SPINK1: variants seen among roughly 807,000 people sequenced by gnomAD.
SPINK1 encodes the protein serine protease inhibitor Kazal-type 1.
In SPINK1, 5 loss-of-function variants were observed where a neutral mutation model predicts 9.5. The observed-to-expected ratio is 0.52, with a 90% confidence interval of 0.27 to 1.10. The LOEUF (loss-of-function observed/expected upper bound fraction) is 1.10. SPINK1 is among the 50% of genes least tolerant of loss of function. The pLI is 0.11. For synonymous variants in SPINK1, 37 were observed against 32.3 expected (o/e 1.14, Z -0.49); for missense variants, 88 against 92.7 (o/e 0.95, Z 0.21).
upstream of SPINK1, among the ~76,000 whole-genome samples, chr5:147,833,078 G>C (rs150040560): frequency 6.6e-6 from 1 of 152,226 alleles, no homozygotes; most frequent in Non-Finnish European, 1.5e-5. Context: ...CTTTTCAGGT[G>C]ATATCACACA....
upstream of SPINK1, among the ~76,000 whole-genome samples, chr5:147,832,184 A>G (rs1233986943): frequency 1.3e-5 from 2 of 152,158 alleles, no homozygotes; most frequent in Non-Finnish European, 2.9e-5. Flanking sequence ...TAAAGCGTGT[A>G]TTCTGGAGCT....
chr5:147,831,503 GA>G lies in SPINK1; in HGVS notation c.55+19del. On this transcript the variant is annotated intron_variant, in intron 1 of 3. Transcript: ENST00000296695. The stretch of plus-strand genomic sequence containing the variant: ...GGTCAAAACAGTTTTATTTAAATTT[GA>G]AAAATATGCAACACTTACCAGATAG... 1.2e-6 allele frequency: 2 copies of G among 1,612,916 alleles called. No homozygotes were observed. The highest frequency in any genetic ancestry group is 1.7e-6 in the Non-Finnish European group (2 of 1,179,674).
chr5:147,835,463 C>G (rs1756580792), upstream of SPINK1, among the ~76,000 whole-genome samples: 1 of 152,068 alleles, frequency 6.6e-6, no homozygotes, highest in East Asian at 1.9e-4. Flanking sequence ...AATCCTGCCA[C>G]CGTGCTAGAC....
Position 147,829,599 on chromosome 5 carries a change from C to G in SPINK1, c.87G>C (p.Glu29Asp), listed in dbSNP as rs1292409970. The G allele has an allele frequency of 6.2e-7, 1 of 1,612,464 alleles. No individual in the cohort carries two copies. Among genetic ancestry groups the G allele is most frequent in the African/African-American group, 1.3e-5 (1 of 74,890 alleles). The change falls in exon 2 of 4, where the codon GAG becomes GAC. Residue 29 changes from glutamate to aspartate, a missense_variant and splice_region_variant. Glu to Asp is a conservative substitution (Grantham distance 45). Transcript: ENST00000296695. ...TAAGAAATTACAAATATCTCTTTAC[C>G]TCTCTTCCCAGGGAGTCAGCTCCAG... Reference protein sequence around the residue: ...GNTGADSLGREAKCYNELNGC... With the variant: ...GNTGADSLGRDAKCYNELNGC...
upstream of SPINK1, among the ~76,000 whole-genome samples, chr5:147,836,330 G>GTA (rs1756595321): frequency 6.9e-6 from 1 of 144,682 alleles, no homozygotes; most frequent in South Asian, 2.2e-4. Flanking sequence ...GTGTGTGTGT[G>GTA]TACAAACTTA....
At chr5:147,832,791 G>A (rs985123699), upstream of SPINK1, among the ~76,000 whole-genome samples, 3 of 152,112 alleles carry the variant, frequency 2.0e-5, no homozygotes, top group Non-Finnish European at 4.4e-5. Flanking sequence ...TAATGTGGCA[G>A]GCTAACTTCT....
At chr5:147,832,890 T>A (rs1756532609), upstream of SPINK1, among the ~76,000 whole-genome samples, 1 of 152,094 alleles carries the variant, frequency 6.6e-6, no homozygotes, top group Non-Finnish European at 1.5e-5. Flanking sequence ...TAAATAAAAA[T>A]AACAATCTCT....
At chr5:147,838,755 G>A in the SPINK1 span, among the ~76,000 whole-genome samples, 1 of 151,994 alleles carries the variant, frequency 6.6e-6, no homozygotes, top group Non-Finnish European at 1.5e-5. Context: ...GCTTTTCCAT[G>A]GCTCTTGATC....
chr5:147,828,589 G>T (rs1440891050), intron 2 of SPINK1, among the ~76,000 whole-genome samples: 1 of 152,208 alleles, frequency 6.6e-6, no homozygotes, highest in African/African-American at 2.4e-5. Context: ...ATTGTCGGGT[G>T]TTGGAAGTCT....
At chr5:147,829,528 A>G in intron 2 of SPINK1, 71 bp downstream of exon 2, 1 of 1,469,270 alleles carries the variant, frequency 6.8e-7, no homozygotes, top group Non-Finnish European at 9.5e-7. Context: ...GAAAGGTGAC[A>G]GCAAGGCTGC....
upstream of SPINK1, among the ~76,000 whole-genome samples, chr5:147,835,371 A>G (rs190765935): frequency 2.8e-4 from 43 of 152,220 alleles, no homozygotes; most frequent in Middle Eastern, 6.8e-3. Context: ...ACAATAGAAA[A>G]TATACTGAGG....
chr5:147,827,711 T>C (rs1756433785), intron 3 of SPINK1: 1 of 246,718 alleles, frequency 4.1e-6, no homozygotes, highest in Non-Finnish European at 7.8e-6. Context: ...TTTGCATAAC[T>C]GAGGGCTTTA....
At chr5:147,833,543 C>A (rs1019928485), upstream of SPINK1, among the ~76,000 whole-genome samples, 1 of 152,156 alleles carries the variant, frequency 6.6e-6, no homozygotes, top group Non-Finnish European at 1.5e-5. Context: ...TATGCATCAT[C>A]TTCCACACTT....
intron 1 of SPINK1, among the ~76,000 whole-genome samples, chr5:147,830,925 G>A (rs1317801952): frequency 6.6e-6 from 1 of 152,036 alleles, no homozygotes; most frequent in African/African-American, 2.4e-5. Flanking sequence ...CATTCAAAAT[G>A]TGTAATGTAA....
intron 3 of SPINK1, among the ~76,000 whole-genome samples, chr5:147,825,143 C>T (rs189159874): frequency 6.6e-6 from 1 of 152,270 alleles, no homozygotes; most frequent in Non-Finnish European, 1.5e-5. Context: ...TGTGAGGTCT[C>T]ACAAAAGTAA....
At chr5:147,835,346 C>T (rs186570456), upstream of SPINK1, among the ~76,000 whole-genome samples, 1 of 152,200 alleles carries the variant, frequency 6.6e-6, no homozygotes, top group East Asian at 1.9e-4. Flanking sequence ...TATCACCCTC[C>T]TTCCATGAAT....
chr5:147,833,200 T>C (rs1274804968), upstream of SPINK1, among the ~76,000 whole-genome samples: 2 of 152,124 alleles, frequency 1.3e-5, no homozygotes, highest in Non-Finnish European at 2.9e-5. Context: ...GTTTGACATG[T>C]TTGAGAAACA....
Position 147,827,932 on chromosome 5 carries a change from T to A in SPINK1, c.194+90A>T, listed in dbSNP as rs112569673. 6.9e-3 allele frequency: 6,920 copies of A among 997,856 alleles called. 354 individuals carry two copies. The African/African-American group carries it at 0.1, about 15-fold the overall frequency. The allele number at this position is 997,856 out of a possible 1,614,324, so 61.8% of individuals were successfully genotyped here. A position where few individuals can be genotyped will look rare whatever the true frequency, so the allele number is the denominator to read the frequency against. On this transcript the variant is annotated intron_variant, in intron 3 of 3. Coordinates refer to ENST00000296695, the MANE Select transcript of SPINK1 (RefSeq NM_001379610.1). ...TTTTTGGAAAAAGTAAATAGTTTGC[T>A]TTTCTCGGGGTGAGATTCATATTAT...
upstream of SPINK1, chr5:147,831,745 G>T: frequency 6.8e-7 from 1 of 1,466,786 alleles, no homozygotes; most frequent in Non-Finnish European, 9.0e-7. Context: ...TCATAGCCTG[G>T]CCTCCAGGTT....
Sources: gnomAD v4.1 joint callset for allele counts (sites outside exome capture counted in the v4.1 genomes callset) on GRCh38, gnomAD v4.1.1 for gene constraint, MANE v1.5 for transcripts, NCBI Gene and HGNC (gene_info 2026-07-23, HGNC 2026-07-21) for gene names.